BUB3: variants seen among roughly 807,000 people sequenced by gnomAD.
BUB3 encodes the protein mitotic checkpoint protein BUB3.
In BUB3, 22 loss-of-function variants were observed where a neutral mutation model predicts 39.9. The ratio of observed to expected loss-of-function variants is 0.55; its 90% CI spans 0.39 to 0.79. The LOEUF is 0.79. Ranked by LOEUF, BUB3 falls within the 30% of genes least tolerant of loss-of-function variation. The probability of loss-of-function intolerance (pLI) is 0.00; values close to 1 mark genes in which losing one functional copy is unlikely to be tolerated. For missense variants in BUB3, 303 were observed against 415.4 expected, an observed-to-expected ratio of 0.73 and a Z score of 2.35; for synonymous variants, 168 against 155.1, an observed-to-expected ratio of 1.08 and a Z score of -0.62.
intron 5 of BUB3, among the ~76,000 whole-genome samples, chr10:123,160,868 T>C (rs913848586): frequency 2.0e-5 from 3 of 152,226 alleles, no homozygotes; most frequent in Non-Finnish European, 4.4e-5. Context: ...TTCATAGGTA[T>C]ACAGTAATCA....
chr10:123,160,586 T>G (rs749837414), intron 5 of BUB3, 21 bp downstream of exon 5: 40 of 1,517,498 alleles, frequency 2.6e-5, no homozygotes, highest in Admixed American at 1.4e-4. Flanking sequence ...ATACCTCCTC[T>G]TCTTTCTGGA....
intron 4 of BUB3, among the ~76,000 whole-genome samples, chr10:123,158,899 A>G (rs1844384692): frequency 6.6e-6 from 1 of 152,206 alleles, no homozygotes; most frequent in Non-Finnish European, 1.5e-5. Context: ...CAGTAGCATG[A>G]CAGTGGTTTC....
intron 4 of BUB3, 120 bp from the exon 5 acceptor site, chr10:123,160,287 T>C (rs1844403398): frequency 3.5e-6 from 3 of 857,864 alleles, no homozygotes; most frequent in Admixed American, 3.0e-5. Flanking sequence ...TTATCTGTGA[T>C]TGGGGAATTC....
chr10:123,162,837 G>C lies in BUB3; in HGVS notation c.971+9G>C, dbSNP rs1355553330. On this transcript the variant is annotated intron_variant, in intron 7 of 7. Coordinates refer to ENST00000368865, the MANE Select transcript of BUB3 (RefSeq NM_004725.4). ...GCAGAAACAAAACCCAAGTGAGTAT[G>C]CTTCACCTGTATTTGAGCCTTTTCT... 6.2e-7 allele frequency: 1 copy of C among 1,605,614 alleles called. No individual in the cohort carries two copies. The highest frequency in any genetic ancestry group is 1.7e-5 in the Admixed American group (1 of 58,966).
chr10:123,154,776 G>A, intron 1 of BUB3, 142 bp from the exon 2 acceptor site: 1 of 884,782 alleles, frequency 1.1e-6, no homozygotes, highest in Non-Finnish European at 1.7e-6. Flanking sequence ...TGGCGGGCGA[G>A]TGCTCGGCGC....
chr10:123,157,707 T>C (rs768996460), intron 3 of BUB3, 22 bp from the exon 4 acceptor site: 12 of 1,553,572 alleles, frequency 7.7e-6, no homozygotes, highest in Middle Eastern at 1.9e-4. Context: ...TGGGGTTTTT[T>C]CCCCTTTTTT....
At chr10:123,158,267 GT>G (rs1170669794) in intron 4 of BUB3, among the ~76,000 whole-genome samples, 2 of 152,128 alleles carry the variant, frequency 1.3e-5, no homozygotes, top group Non-Finnish European at 2.9e-5. Flanking sequence ...GTTATCTGAG[GT>G]TTCTTTGGGT....
At chr10:123,158,200 A>G (rs1044371977) in intron 4 of BUB3, among the ~76,000 whole-genome samples, 7 of 152,182 alleles carry the variant, frequency 4.6e-5, no homozygotes, top group Non-Finnish European at 7.3e-5. Flanking sequence ...CGATTGTCTT[A>G]AATTGACGCT....
chr10:123,156,753 G>GTTTT (rs756642442), intron 3 of BUB3, among the ~76,000 whole-genome samples: 1 of 135,080 alleles, frequency 7.4e-6, no homozygotes, highest in East Asian at 2.5e-4. Flanking sequence ...TTTCTTTCTT[G>GTTTT]TTTTTTTTTT....
In BUB3 at chr10:123,162,358, G is replaced by T; in HGVS notation, c.699G>T (p.Gln233His). ...GACTAAAAGAAAATAATATTGAGCA[G>T]ATTTACCCAGTCAATGCCATTTCTT... is the stretch of plus-strand genomic sequence containing the variant. ...CHRLKENNIE[Q>H]IYPVNAISFH... is the part of the protein sequence containing the mutation. Residue 233 changes from glutamine to histidine, a missense_variant, in exon 6 of 8, where the codon CAG becomes CAT. Transcript: ENST00000368865. The T allele has an allele frequency of 6.2e-7, 1 of 1,614,096 alleles. No individual in the cohort carries two copies. Among genetic ancestry groups the T allele is most frequent in the Non-Finnish European group, 8.5e-7 (1 of 1,180,004 alleles).
intron 7 of BUB3, chr10:123,163,074 G>T: frequency 2.2e-6 from 1 of 463,172 alleles, no homozygotes; most frequent in Non-Finnish European, 3.8e-6. Flanking sequence ...TCTTGAATAG[G>T]CTCTATTATT....
At chr10:123,163,663 C>G (rs1057099894) in intron 7 of BUB3, among the ~76,000 whole-genome samples, 157 bp from the exon 8 acceptor site, 1 of 152,212 alleles carries the variant, frequency 6.6e-6, no homozygotes, top group African/African-American at 2.4e-5. Flanking sequence ...TATTCCATAT[C>G]AGATATGCTT....
chr10:123,169,315 A>G lies in BUB3; in HGVS notation c.*5480A>G, dbSNP rs1427776615. 1 of 152,196 alleles carries G rather than the reference A, an allele frequency of 6.6e-6. No individual in the cohort carries two copies. Among genetic ancestry groups the G allele is most frequent in the Non-Finnish European group, 1.5e-5 (1 of 68,020 alleles). 9.4% of individuals were successfully genotyped at this position (152,196 alleles called of 1,614,324 possible). On this transcript the variant is annotated 3_prime_UTR_variant, in exon 8 of 8. Transcript: ENST00000368865. Reference sequence around the variant, plus strand: ...CACTTAATATGAAATTTTGCCCATGATTTATTTTTTACCTTATTTTTAAGG... The same window carrying G: ...CACTTAATATGAAATTTTGCCCATGGTTTATTTTTTACCTTATTTTTAAGG...
In BUB3 at chr10:123,164,776, A is replaced by G. The variant is rs1036251588; in HGVS notation, c.*941A>G. 44 of 1,187,446 alleles carry G rather than the reference A, an allele frequency of 3.7e-5. No homozygotes were observed. The African/African-American group carries it at 6.0e-4, about 16-fold the overall frequency. The allele number at this position is 1,187,446 out of a possible 1,614,324, so 73.6% of individuals were successfully genotyped here. ...TATAGTGAGAATGAGATTCATTTCA[A>G]TGTAATGCACTAAAGCAGAACACGA... On this transcript the variant is annotated 3_prime_UTR_variant, in exon 8 of 8. Transcript: ENST00000368865.
In BUB3 at chr10:123,170,348, A is replaced by G. The variant is rs1019987335; in HGVS notation, c.*6513A>G. 6.6e-6 allele frequency: 1 copy of G among 152,170 alleles called. No homozygotes were observed. Among genetic ancestry groups the G allele is most frequent in the African/African-American group, 2.4e-5 (1 of 41,422 alleles). 9.4% of individuals were successfully genotyped at this position (152,170 alleles called of 1,614,324 possible). A position where few individuals can be genotyped will look rare whatever the true frequency, so the allele number is the denominator to read the frequency against. ...TTTTTTTCTGTTAAAATATTTATGA[A>G]CTATTTCAAACATTCAGAAAAACTC... is the stretch of plus-strand genomic sequence containing the variant. On this transcript the variant is annotated 3_prime_UTR_variant, in exon 8 of 8. Transcript: ENST00000368865.
Position 123,154,789 on chromosome 10 carries a change from G to T in BUB3, c.1-129G>T, listed in dbSNP as rs962381394. On this transcript the variant is annotated intron_variant, in intron 1 of 7. Coordinates refer to ENST00000368865, the MANE Select transcript of BUB3 (RefSeq NM_004725.4). ...CTTGGCGGGCGAGTGCTCGGCGCAGGCGCAAGCGCAGAGTCTCCTCGCGGT... is the reference window on the plus strand; with the variant it reads ...CTTGGCGGGCGAGTGCTCGGCGCAGTCGCAAGCGCAGAGTCTCCTCGCGGT... 2.1e-5 allele frequency: 21 copies of T among 1,011,824 alleles called. No homozygotes were observed. The South Asian group carries it at 2.9e-4, about 14-fold the overall frequency. 62.7% of individuals were successfully genotyped at this position (1,011,824 alleles called of 1,614,324 possible). A position where few individuals can be genotyped will look rare whatever the true frequency, so the allele number is the denominator to read the frequency against.
In BUB3 at chr10:123,165,123, T is replaced by A; in HGVS notation, c.*1288T>A. ...CTTCCTACAAATACATGCTTATTCCTTAAGGGATGTGTTAGAGTTACTGTG... is the reference window on the plus strand; with the variant it reads ...CTTCCTACAAATACATGCTTATTCCATAAGGGATGTGTTAGAGTTACTGTG... On this transcript the variant is annotated 3_prime_UTR_variant, in exon 8 of 8. Coordinates refer to ENST00000368865, the MANE Select transcript of BUB3 (RefSeq NM_004725.4). 1 of 1,527,066 alleles carries A rather than the reference T, an allele frequency of 6.5e-7. No homozygotes were observed. The highest frequency in any genetic ancestry group is 1.1e-5 in the South Asian group (1 of 88,864). 94.6% of individuals were successfully genotyped at this position (1,527,066 alleles called of 1,614,324 possible).
intron 4 of BUB3, among the ~76,000 whole-genome samples, chr10:123,159,853 TGG>T (rs1490222547): frequency 6.6e-6 from 1 of 152,214 alleles, no homozygotes; most frequent in Non-Finnish European, 1.5e-5. Flanking sequence ...TAATTAGTGG[TGG>T]CTCCCTCACC....
At chr10:123,161,166 C>G (rs1844418254) in intron 5 of BUB3, among the ~76,000 whole-genome samples, 1 of 152,134 alleles carries the variant, frequency 6.6e-6, no homozygotes, top group South Asian at 2.1e-4. Context: ...GCTCCCTCCT[C>G]CCTCAAGTCC....
Sources: allele counts gnomAD v4.1 joint callset (sites outside exome capture counted in the v4.1 genomes callset), GRCh38; gene constraint gnomAD v4.1.1; transcripts MANE v1.5; gene names NCBI Gene and HGNC (gene_info 2026-07-23, HGNC 2026-07-21).